Variants in CNBD1 observed in about 807,000 individuals in gnomAD.
The protein encoded by CNBD1 is cyclic nucleotide-binding domain-containing protein 1.
In CNBD1, 71 loss-of-function variants were observed where a neutral mutation model predicts 54.4. That is an observed-to-expected ratio of 1.30 (90% CI 1.08 to 1.59). CNBD1 has a LOEUF of 1.59. Ranked by LOEUF, CNBD1 falls within the 40% of genes most tolerant of loss-of-function variation. The pLI is 0.00. For missense variants in CNBD1, 659 were observed against 518.0 expected (o/e 1.27, Z -2.64); for synonymous variants, 182 against 170.7 (o/e 1.07, Z -0.51).
At chr8:87,174,588 T>A (rs1813159051) in intron 4 of CNBD1, among the ~76,000 whole-genome samples, 1 of 152,192 alleles carries the variant, frequency 6.6e-6, no homozygotes. Flanking sequence ...GGTGCCTTTT[T>A]TAGTTCTGTC....
chr8:86,966,732 G>A (rs1040510804), intron 4 of CNBD1, among the ~76,000 whole-genome samples: 26 of 152,132 alleles, frequency 1.7e-4, no homozygotes, highest in African/African-American at 2.9e-4. Context: ...AGCTGCAGAC[G>A]TTTGTGGTGA....
chr8:87,076,461 G>A (rs1407739380), intron 4 of CNBD1, among the ~76,000 whole-genome samples: 2 of 143,230 alleles, frequency 1.4e-5, no homozygotes, highest in Non-Finnish European at 3.0e-5. Context: ...TTTTTTTTTT[G>A]AGACAGAGTC....
chr8:87,334,719 C>CTTTTTTTTTTT (rs758083191), intron 8 of CNBD1, among the ~76,000 whole-genome samples: 1 of 126,172 alleles, frequency 7.9e-6, no homozygotes, highest in Non-Finnish European at 1.7e-5. Context: ...TTTCTTTTTT[C>CTTTTTTTTTTT]TTTTCTTTTT....
chr8:87,321,024 C>G (rs1809516316), intron 8 of CNBD1, among the ~76,000 whole-genome samples: 1 of 152,062 alleles, frequency 6.6e-6, no homozygotes, highest in Non-Finnish European at 1.5e-5. Context: ...ATCCATGTTG[C>G]AGAATATGAG....
intron 3 of CNBD1, among the ~76,000 whole-genome samples, chr8:86,930,569 G>A (rs907653124): frequency 6.6e-6 from 1 of 152,180 alleles, no homozygotes; most frequent in Non-Finnish European, 1.5e-5. Context: ...AGAGAAACTG[G>A]GAGTCAGAGT....
chr8:87,426,702 C>T (rs1040306452), intron 2 of CNBD1, among the ~76,000 whole-genome samples: 1 of 152,140 alleles, frequency 6.6e-6, no homozygotes, highest in Non-Finnish European at 1.5e-5. Context: ...GTGAGGACTA[C>T]ATGAAATAAC....
chr8:87,381,089 A>G (rs756739066), intron 10 of CNBD1, among the ~76,000 whole-genome samples: 9 of 152,082 alleles, frequency 5.9e-5, no homozygotes, highest in Admixed American at 4.6e-4. Flanking sequence ...CAATCACCAG[A>G]GCAAAGGCAA....
At chr8:87,033,987 C>A (rs1354232899) in intron 4 of CNBD1, among the ~76,000 whole-genome samples, 1 of 151,992 alleles carries the variant, frequency 6.6e-6, no homozygotes, top group Admixed American at 6.6e-5. Context: ...GGCTGTCCTG[C>A]ATCCACAAAA....
chr8:87,229,764 C>G (rs1016083445), intron 5 of CNBD1, among the ~76,000 whole-genome samples: 2 of 152,072 alleles, frequency 1.3e-5, no homozygotes, highest in Non-Finnish European at 2.9e-5. Context: ...TTTCGTCTCA[C>G]TCTGCATATA....
At chr8:86,964,838 G>A (rs772504583) in intron 4 of CNBD1, among the ~76,000 whole-genome samples, 12 of 152,284 alleles carry the variant, frequency 7.9e-5, no homozygotes, top group South Asian at 2.1e-4. Context: ...CACTAGGAAG[G>A]CTGAATCAAT....
At chr8:87,198,105 A>G (rs1428008157) in intron 4 of CNBD1, among the ~76,000 whole-genome samples, 1 of 152,252 alleles carries the variant, frequency 6.6e-6, no homozygotes, top group Non-Finnish European at 1.5e-5. Flanking sequence ...AACAATATAC[A>G]TTTATTCAAC....
intron 8 of CNBD1, among the ~76,000 whole-genome samples, chr8:87,335,452 T>C (rs1190393570): frequency 6.6e-6 from 1 of 152,210 alleles, no homozygotes; most frequent in African/African-American, 2.4e-5. Context: ...CCTTTATCAT[T>C]ATGTAATGCC....
intron 4 of CNBD1, among the ~76,000 whole-genome samples, chr8:86,981,260 G>T (rs1808481171): frequency 6.6e-6 from 1 of 152,136 alleles, no homozygotes; most frequent in South Asian, 2.1e-4. Context: ...ATGGGTTTTA[G>T]ATACCACTGA....
chr8:86,988,151 T>C (rs1215354862), intron 4 of CNBD1, among the ~76,000 whole-genome samples: 2 of 151,496 alleles, frequency 1.3e-5, no homozygotes, highest in Non-Finnish European at 2.9e-5. Context: ...AGGTTTTTTT[T>C]TTTTTTTTTT....
At chr8:86,942,769 G>T (rs1479020097) in intron 4 of CNBD1, among the ~76,000 whole-genome samples, 1 of 152,168 alleles carries the variant, frequency 6.6e-6, no homozygotes, top group Non-Finnish European at 1.5e-5. Context: ...AAAGGGGATT[G>T]GGTGTTCCCT....
At chr8:87,301,771 A>G (rs1274691055) in intron 8 of CNBD1, among the ~76,000 whole-genome samples, 1 of 152,162 alleles carries the variant, frequency 6.6e-6, no homozygotes, top group Non-Finnish European at 1.5e-5. Flanking sequence ...AGAGAGAAGA[A>G]TCAAATAGAG....
At chr8:87,311,871 A>G (rs1354914224) in intron 8 of CNBD1, among the ~76,000 whole-genome samples, 1 of 152,080 alleles carries the variant, frequency 6.6e-6, no homozygotes, top group East Asian at 1.9e-4. Flanking sequence ...GCATGTTCTC[A>G]CTTGTAAGTG....
At position 86,891,396 on chromosome 8, in the gene CNBD1, A is replaced by T. The variant is rs139730253; in HGVS notation, c.158+3785A>T. ...CAATTTTGTCAAAAATCAATTTATT[A>T]TAACTGTGGGTTTATTTCTGGGTTT... On this transcript the variant is annotated intron_variant, in intron 2 of 10. Transcript: ENST00000518476. Among the ~76,000 whole-genome samples, 4 of 152,042 alleles carry T rather than the reference A, an allele frequency of 2.6e-5. No homozygotes were observed. In the East Asian group the frequency reaches 7.7e-4, roughly 29 times the overall value.
chr8:87,419,380 CCACAGTTGTATGAATACACTGAAAA>C (rs2130991537), intron 2 of CNBD1, among the ~76,000 whole-genome samples: 1 of 151,878 alleles, frequency 6.6e-6, no homozygotes, highest in African/African-American at 2.4e-5. Flanking sequence ...AGATATGGTT[CCACAGTTGTATGAATACACTGAAAA>C]CCACTAAACT....
Sources: gnomAD v4.1 joint callset for allele counts (sites outside exome capture counted in the v4.1 genomes callset) on GRCh38, gnomAD v4.1.1 for gene constraint, MANE v1.5 for transcripts, NCBI Gene and HGNC (gene_info 2026-07-23, HGNC 2026-07-21) for gene names.